The following DGKB variants were observed in gnomAD, a reference collection of about 807,000 sequenced individuals.
DGKB encodes the protein diacylglycerol kinase beta, also known as 90 kDa diacylglycerol kinase.
In DGKB, 67 loss-of-function variants were observed where a neutral mutation model predicts 114.3. The ratio of observed to expected loss-of-function variants is 0.59; its 90% CI spans 0.48 to 0.72. The LOEUF is 0.72. Ranked by LOEUF, DGKB falls within the 30% of genes least tolerant of loss-of-function variation. The probability of loss-of-function intolerance (pLI) is 0.00; values close to 1 mark genes in which losing one functional copy is unlikely to be tolerated. For synonymous variants in DGKB, 398 were observed against 323.1 expected (o/e 1.23, Z -2.49); for missense variants, 907 against 975.2 (o/e 0.93, Z 0.93).
intron 21 of DGKB, among the ~76,000 whole-genome samples, chr7:14,363,559 C>T (rs1205880335): frequency 1.3e-5 from 2 of 151,938 alleles, no homozygotes; most frequent in Admixed American, 1.3e-4. Context: ...GCATTTGAGC[C>T]TGCGATAGAG....
intron 20 of DGKB, among the ~76,000 whole-genome samples, chr7:14,512,031 T>C (rs1788053298): frequency 6.6e-6 from 1 of 150,872 alleles, no homozygotes; most frequent in African/African-American, 2.4e-5. Context: ...ATAATGAAAA[T>C]ATTTGAAATA....
chr7:14,310,952 G>C (rs1189592993), intron 23 of DGKB, among the ~76,000 whole-genome samples: 1 of 152,090 alleles, frequency 6.6e-6, no homozygotes, highest in East Asian at 1.9e-4. Context: ...AACACAGTGA[G>C]ACCTCGTCTC....
At chr7:14,181,117 C>A (rs184125688) in intron 23 of DGKB, among the ~76,000 whole-genome samples, 1 of 152,202 alleles carries the variant, frequency 6.6e-6, no homozygotes, top group East Asian at 1.9e-4. Flanking sequence ...TTTCAGTGCC[C>A]ATCAATTAGT....
chr7:14,340,187 A>C (rs1394566433), intron 22 of DGKB, among the ~76,000 whole-genome samples: 8 of 147,020 alleles, frequency 5.4e-5, no homozygotes, highest in Non-Finnish European at 1.0e-4. Context: ...TTTTTCCAGA[A>C]AGCAGTGCTT....
chr7:14,798,188 T>C (rs1056197335), intron 2 of DGKB, among the ~76,000 whole-genome samples: 5 of 152,198 alleles, frequency 3.3e-5, no homozygotes, highest in Non-Finnish European at 5.9e-5. Context: ...CACTCTGGTC[T>C]TGGACTCTAT....
intron 21 of DGKB, among the ~76,000 whole-genome samples, chr7:14,358,130 T>A (rs1440060277): frequency 6.6e-6 from 1 of 152,168 alleles, no homozygotes; most frequent in African/African-American, 2.4e-5. Flanking sequence ...TGAATTTGAA[T>A]GTTGGCCTGC....
At chr7:14,548,409 T>A (rs1166684789) in intron 20 of DGKB, among the ~76,000 whole-genome samples, 1 of 152,092 alleles carries the variant, frequency 6.6e-6, no homozygotes, top group East Asian at 1.9e-4. Flanking sequence ...GTTTGGTAGG[T>A]CAGAAAAGGC....
intron 23 of DGKB, among the ~76,000 whole-genome samples, chr7:14,251,816 T>G (rs1284271253): frequency 6.6e-6 from 1 of 152,202 alleles, no homozygotes; most frequent in Non-Finnish European, 1.5e-5. Context: ...TCTCATTTGA[T>G]ATGTCACATC....
At chr7:14,341,645 G>T (rs556650643) in intron 22 of DGKB, among the ~76,000 whole-genome samples, 52 of 151,994 alleles carry the variant, frequency 3.4e-4, no homozygotes, top group African/African-American at 1.2e-3. Context: ...TTTTAAAATA[G>T]AGGATCTTAT....
In DGKB at chr7:14,649,981, C is replaced by A. The variant is rs1814065320; in HGVS notation, c.1135-19713G>T. On this transcript the variant is annotated intron_variant, in intron 13 of 25. Transcript: ENST00000402815. ...TATATATGCACCCAATACAGGAGCACCCAGATTCATAAAGCAAGTCCTGAG... is the reference window on the plus strand; with the variant it reads ...TATATATGCACCCAATACAGGAGCAACCAGATTCATAAAGCAAGTCCTGAG... Among the ~76,000 whole-genome samples the A allele has an allele frequency of 5.3e-5, 8 of 150,004 alleles. No individual in the cohort carries two copies. The South Asian group carries it at 1.7e-3, about 32-fold the overall frequency.
intron 21 of DGKB, among the ~76,000 whole-genome samples, chr7:14,464,973 G>C (rs16878175): frequency 0.02 from 3,031 of 152,242 alleles, 89 homozygotes; most frequent in African/African-American, 0.069. Flanking sequence ...AGGTCACTAA[G>C]TTGTGATATG....
At chr7:14,267,328 T>C (rs916923232) in intron 23 of DGKB, among the ~76,000 whole-genome samples, 3 of 152,120 alleles carry the variant, frequency 2.0e-5, no homozygotes, top group African/African-American at 4.8e-5. Context: ...TGAATCTACA[T>C]GAAGAAGAAG....
intron 12 of DGKB, among the ~76,000 whole-genome samples, chr7:14,675,339 A>G (rs1819662180): frequency 6.6e-6 from 1 of 152,060 alleles, no homozygotes; most frequent in Non-Finnish European, 1.5e-5. Flanking sequence ...TGACATGGTA[A>G]AGGACGACTA....
intron 20 of DGKB, among the ~76,000 whole-genome samples, chr7:14,490,643 G>T (rs374130565): frequency 1.3e-5 from 2 of 152,122 alleles, no homozygotes; most frequent in Non-Finnish European, 2.9e-5. Flanking sequence ...CTGTCCTACT[G>T]GCTTTGAACT....
At chr7:14,580,414 C>A (rs1012965033) in intron 19 of DGKB, among the ~76,000 whole-genome samples, 3 of 152,200 alleles carry the variant, frequency 2.0e-5, no homozygotes, top group African/African-American at 7.2e-5. Context: ...GCACAGCTGG[C>A]TAGCATAGAG....
chr7:14,358,936 G>GA (rs950154348), intron 21 of DGKB, among the ~76,000 whole-genome samples: 6 of 151,968 alleles, frequency 3.9e-5, no homozygotes, highest in African/African-American at 1.4e-4. Flanking sequence ...CACAGAATTG[G>GA]AAAAAAACTA....
chr7:14,873,445 T>C (rs953544491), intron 1 of DGKB, among the ~76,000 whole-genome samples: 2 of 152,070 alleles, frequency 1.3e-5, no homozygotes, highest in Non-Finnish European at 2.9e-5. Flanking sequence ...AGTAAAGATA[T>C]AAGGCAGGAA....
chr7:14,596,097 G>C (rs1802533030), intron 17 of DGKB, among the ~76,000 whole-genome samples: 1 of 152,058 alleles, frequency 6.6e-6, no homozygotes, highest in Non-Finnish European at 1.5e-5. Context: ...ATATTTCATA[G>C]AGATTTATAA....
chr7:14,211,083 A>G (rs183644651), intron 23 of DGKB, among the ~76,000 whole-genome samples: 7 of 152,114 alleles, frequency 4.6e-5, no homozygotes, highest in Admixed American at 2.6e-4. Context: ...AGGTTTCTTC[A>G]CTGTGTTCTC....
Sources: gnomAD v4.1 joint callset for allele counts (sites outside exome capture counted in the v4.1 genomes callset) on GRCh38, gnomAD v4.1.1 for gene constraint, MANE v1.5 for transcripts, NCBI Gene and HGNC (gene_info 2026-07-23, HGNC 2026-07-21) for gene names.